N4BP2: variants seen among roughly 807,000 people sequenced by gnomAD.
The protein encoded by N4BP2 is NEDD4 binding protein 2, also known as NEDD4-binding protein 2.
In N4BP2, 91 loss-of-function variants were observed where a neutral mutation model predicts 152.8. That is an observed-to-expected ratio of 0.60 (90% CI 0.50 to 0.71). The LOEUF (loss-of-function observed/expected upper bound fraction) is 0.71. Ranked by LOEUF, N4BP2 falls within the 30% of genes least tolerant of loss-of-function variation. The pLI, the probability that N4BP2 is intolerant of heterozygous loss-of-function variation, is 0.00. For synonymous variants in N4BP2, 646 were observed against 705.3 expected, an observed-to-expected ratio of 0.92 and a Z score of 1.33; for missense variants, 1,923 against 2,059.1, an observed-to-expected ratio of 0.93 and a Z score of 1.28.
At chr4:40,175,341 A>G in the N4BP2 span, among the ~76,000 whole-genome samples, 1 of 119,660 alleles carries the variant, frequency 8.4e-6, no homozygotes. Context: ...AAATATAGAA[A>G]AAAAAAAAAA....
chr4:40,146,483 C>T (rs1004686348), intron 16 of N4BP2, among the ~76,000 whole-genome samples: 1 of 152,114 alleles, frequency 6.6e-6, no homozygotes, highest in African/African-American at 2.4e-5. Flanking sequence ...TTCTTCAACA[C>T]TCAAAAAAGT....
intron 12 of N4BP2, among the ~76,000 whole-genome samples, chr4:40,129,063 T>C (rs1438509415): frequency 6.6e-6 from 1 of 152,098 alleles, no homozygotes; most frequent in East Asian, 1.9e-4. Context: ...TTTCTTTTCT[T>C]TTTTTTGAGA....
In N4BP2 at chr4:40,102,613, C is replaced by T. The variant is rs140689851; in HGVS notation, c.768C>T (p.Ile256=). 1.4e-5 allele frequency: 23 copies of T among 1,614,112 alleles called. No individual in the cohort carries two copies. The highest frequency in any genetic ancestry group is 1.6e-4 in the Middle Eastern group (1 of 6,062). The change falls in exon 4 of 18, where the codon ATC becomes ATT. Residue 256 remains isoleucine, a synonymous_variant. Coordinates refer to ENST00000261435, the MANE Select transcript of N4BP2 (RefSeq NM_018177.6). ...SSSLNVASDS[I]AGCSSLNQKQ... ...CTTTAAATGTAGCAAGTGACTCCATCGCAGGTTGTAGCAGTCTCAATCAAA... is the reference window on the plus strand; with the variant it reads ...CTTTAAATGTAGCAAGTGACTCCATTGCAGGTTGTAGCAGTCTCAATCAAA...
the N4BP2 span, among the ~76,000 whole-genome samples, chr4:40,186,317 C>T: frequency 2.2e-5 from 3 of 135,128 alleles, no homozygotes; most frequent in Admixed American, 7.2e-5. Flanking sequence ...ACATTGTGAC[C>T]GAAGCAGTGA....
chr4:40,165,408 C>T, the N4BP2 span, among the ~76,000 whole-genome samples: 133 of 152,286 alleles, frequency 8.7e-4, 1 homozygote, highest in African/African-American at 3.1e-3. Flanking sequence ...GGCACCATGT[C>T]TGGCGAATTT....
chr4:40,106,805 A>G, intron 4 of N4BP2, 95 bp from the exon 5 acceptor site: 3 of 1,190,394 alleles, frequency 2.5e-6, no homozygotes, highest in Middle Eastern at 2.9e-4. Flanking sequence ...AAATGATAGT[A>G]CTTGAATAAT....
intron 15 of N4BP2, among the ~76,000 whole-genome samples, chr4:40,143,371 T>C (rs1026875562): frequency 6.6e-6 from 1 of 152,148 alleles, no homozygotes; most frequent in Non-Finnish European, 1.5e-5. Flanking sequence ...TGGAGTATAG[T>C]GGTGCAATCT....
At chr4:40,123,939 A>C (rs1383614457) in intron 10 of N4BP2, among the ~76,000 whole-genome samples, 1 of 151,774 alleles carries the variant, frequency 6.6e-6, no homozygotes, top group Non-Finnish European at 1.5e-5. Flanking sequence ...TTTTTTTTTA[A>C]ATGCAGTATT....
the N4BP2 span, among the ~76,000 whole-genome samples, chr4:40,179,498 A>G: frequency 1.3e-5 from 2 of 152,242 alleles, no homozygotes; most frequent in Non-Finnish European, 2.9e-5. Flanking sequence ...GTTGGTATGT[A>G]CTAATTCATT....
At chr4:40,173,801 T>C in the N4BP2 span, among the ~76,000 whole-genome samples, 21 of 152,322 alleles carry the variant, frequency 1.4e-4, no homozygotes, top group Admixed American at 1.4e-3. Flanking sequence ...TTTCCTTTTC[T>C]CTGCGTTATC....
In N4BP2 at chr4:40,107,022, G is replaced by A; in HGVS notation, c.1496G>A (p.Arg499His). The change falls in exon 5 of 18, where the codon CGT becomes CAT. Residue 499 changes from arginine to histidine, a missense_variant and splice_region_variant. Transcript: ENST00000261435. ...GAAGCACATGAATGGAACCAGAATC[G>A]TGGTAAGAACAGATAATCAGATTCT... ...LGEAHEWNQN[R>H]AKEAFEKKIS... The A allele has an allele frequency of 4.3e-6, 7 of 1,612,872 alleles. No homozygotes were observed. The highest frequency in any genetic ancestry group is 3.3e-5 in the Admixed American group (2 of 59,832).
In N4BP2 at chr4:40,142,759, A is replaced by C. The variant is rs1720147101; in HGVS notation, c.4872A>C (p.Ala1624=). 6.2e-7 allele frequency: 1 copy of C among 1,614,116 alleles called. No homozygotes were observed. Among genetic ancestry groups the C allele is most frequent in the African/African-American group, 1.3e-5 (1 of 75,072 alleles). ...ACCCAGACTATGATGACTACAGAGC[A>C]GAGGCTTTCCTTCACCAACAGAAGA... ...FEYPDYDDYR[A]EAFLHQQKRM... is the part of the protein sequence containing the mutation. Residue 1624 remains alanine (A), a synonymous_variant, in exon 15 of 18, where the codon GCA becomes GCC. Transcript: ENST00000261435.
chr4:40,154,896 A>G lies in N4BP2; in HGVS notation c.*659A>G, dbSNP rs1477710843. On this transcript the variant is annotated 3_prime_UTR_variant, in exon 18 of 18. Coordinates refer to ENST00000261435, the MANE Select transcript of N4BP2 (RefSeq NM_018177.6). ...GTCTGAGATTATATTGTAATTTTAT[A>G]CTTTCTATAGACAGAAAGGTTTTCA... 6.6e-6 allele frequency: 1 copy of G among 152,216 alleles called. No individual in the cohort carries two copies. Among genetic ancestry groups the G allele is most frequent in the Non-Finnish European group, 1.5e-5 (1 of 68,058 alleles). 9.4% of individuals were successfully genotyped at this position (152,216 alleles called of 1,614,324 possible). A position where few individuals can be genotyped will look rare whatever the true frequency, so the allele number is the denominator to read the frequency against.
intron 3 of N4BP2, among the ~76,000 whole-genome samples, chr4:40,100,453 C>T (rs1313292509): frequency 6.8e-6 from 1 of 147,872 alleles, no homozygotes; most frequent in Non-Finnish European, 1.5e-5. Context: ...TCACTAGAGG[C>T]TCACTGTAGC....
chr4:40,185,288 A>T, the N4BP2 span, among the ~76,000 whole-genome samples: 1 of 152,192 alleles, frequency 6.6e-6, no homozygotes, highest in Non-Finnish European at 1.5e-5. Context: ...TACAAAGTGA[A>T]GATGTTGCTA....
intron 2 of N4BP2, among the ~76,000 whole-genome samples, chr4:40,075,467 T>C (rs1455097987): frequency 2.0e-5 from 3 of 151,810 alleles, no homozygotes; most frequent in African/African-American, 7.3e-5. Flanking sequence ...GGCGCGATCT[T>C]AGCTCACTGC....
At chr4:40,113,584 G>GT (rs1419218586) in intron 7 of N4BP2, 76 bp downstream of exon 7, 14 of 975,554 alleles carry the variant, frequency 1.4e-5, no homozygotes, top group Admixed American at 9.3e-5. Context: ...TTTTCCCCTT[G>GT]TAAATGATGA....
intron 8 of N4BP2, among the ~76,000 whole-genome samples, chr4:40,119,120 C>G (rs1010361661): frequency 1.3e-5 from 2 of 152,170 alleles, no homozygotes; most frequent in Non-Finnish European, 2.9e-5. Context: ...TCTTTCTGTA[C>G]TTCAGCTCTT....
intron 2 of N4BP2, among the ~76,000 whole-genome samples, chr4:40,087,648 G>A (rs1229682584): frequency 6.6e-6 from 1 of 152,026 alleles, no homozygotes; most frequent in Non-Finnish European, 1.5e-5. Flanking sequence ...ACAGGCACGA[G>A]CCACCTTCCC....
Sources: gnomAD v4.1 joint callset for allele counts (sites outside exome capture counted in the v4.1 genomes callset) on GRCh38, gnomAD v4.1.1 for gene constraint, MANE v1.5 for transcripts, NCBI Gene and HGNC (gene_info 2026-07-23, HGNC 2026-07-21) for gene names.